The following PCDHGA4 variants were observed in gnomAD, a reference collection of about 807,000 sequenced individuals.
PCDHGA4 encodes the protein protocadherin gamma-A4.
A neutral mutation model predicts 54.6 loss-of-function variants in PCDHGA4; 38 were observed. The observed-to-expected ratio is 0.70, with a 90% CI of 0.54 to 0.91. The LOEUF is 0.91. Among genes scored for constraint, PCDHGA4 ranks in the 40% least tolerant of loss-of-function variants. The pLI is 0.00. For missense variants in PCDHGA4, 1,298 were observed against 1,220.9 expected, an observed-to-expected ratio of 1.06 and a Z score of -0.94; for synonymous variants, 511 against 512.9, an observed-to-expected ratio of 1.00 and a Z score of 0.05.
Position 141,432,083 on chromosome 5 carries a change from G to T in PCDHGA4, c.2515-62724G>T, listed in dbSNP as rs1221754474. On this transcript the variant is annotated intron_variant, in intron 1 of 3. Transcript: ENST00000571252. The surrounding 1 kb of genome is among the most constrained non-coding windows in gnomAD (Gnocchi z 6.0). ...CACGGAAACTCATATCTCGCTGAAC[G>T]TGGCAGACACCAACGACAACCCGCC... The T allele has an allele frequency of 1.9e-6, 3 of 1,614,040 alleles. No individual in the cohort carries two copies. The highest frequency in any genetic ancestry group is 2.7e-5 in the African/African-American group (2 of 74,910).
chr5:141,389,799 C>T (rs763321545), intron 1 of PCDHGA4: 2 of 1,613,678 alleles, frequency 1.2e-6, no homozygotes, highest in Non-Finnish European at 1.7e-6. Context: ...CGTCCGCCAG[C>T]GCCTTCTGGT....
At position 141,476,666 on chromosome 5, in the gene PCDHGA4, G is replaced by A. The variant is rs2099395856; in HGVS notation, c.2515-18141G>A. On this transcript the variant is annotated intron_variant, in intron 1 of 3. Coordinates refer to ENST00000571252, the MANE Select transcript of PCDHGA4 (RefSeq NM_018917.4). The surrounding 1 kb of genome is among the most constrained non-coding windows in gnomAD (Gnocchi z 7.6). The stretch of plus-strand genomic sequence containing the variant: ...CCGAAATGAATACTTTGCGCTTCGC[G>A]TGCAGACGCGGGAGGACAGCACCAA... 6.2e-7 allele frequency: 1 copy of A among 1,614,128 alleles called. No individual in the cohort carries two copies.
At chr5:141,445,268 C>A (rs2098461653) in intron 1 of PCDHGA4, among the ~76,000 whole-genome samples, 1 of 152,170 alleles carries the variant, frequency 6.6e-6, no homozygotes, top group Non-Finnish European at 1.5e-5. Flanking sequence ...TAAGTCGAAA[C>A]CACTCTGCAT....
chr5:141,479,676 G>A (rs2099503035), intron 1 of PCDHGA4: 1 of 152,242 alleles, frequency 6.6e-6, no homozygotes, highest in African/African-American at 2.4e-5. Context: ...CAAAAGGAGA[G>A]TCTTTTTGGT....
chr5:141,389,309 T>C (rs763262842), intron 1 of PCDHGA4: 1 of 1,613,900 alleles, frequency 6.2e-7, no homozygotes, highest in African/African-American at 1.3e-5. Context: ...TCAGGGCTTC[T>C]GATCCGGACT....
At position 141,432,871 on chromosome 5, in the gene PCDHGA4, C is replaced by T. The variant is rs1190891661; in HGVS notation, c.2515-61936C>T. On this transcript the variant is annotated intron_variant, in intron 1 of 3. Transcript: ENST00000571252. This position sits in a 1 kb window ranked among gnomAD's most constrained non-coding sequence, Gnocchi z 6.0. ...CGGTGGCCGCGGTCTCCTGCGTCTT[C>T]CTGGCCTTCGTCATCTTGCTGCTGG... 1 of 1,614,216 alleles carries T rather than the reference C, an allele frequency of 6.2e-7. No homozygotes were observed. Among genetic ancestry groups the T allele is most frequent in the Non-Finnish European group, 8.5e-7 (1 of 1,180,018 alleles).
intron 1 of PCDHGA4, chr5:141,418,463 C>A (rs1046926260): frequency 1.2e-6 from 2 of 1,613,826 alleles, no homozygotes; most frequent in Non-Finnish European, 1.7e-6. Context: ...GACTCTGGAC[C>A]GAGAAACGCA....
At chr5:141,419,155 A>G in intron 1 of PCDHGA4, 1 of 1,613,966 alleles carries the variant, frequency 6.2e-7, no homozygotes, top group Middle Eastern at 1.6e-4. Context: ...AGCCTCCGTT[A>G]TCCTCCAGCA....
At chr5:141,444,059 T>C (rs2098415588) in intron 1 of PCDHGA4, among the ~76,000 whole-genome samples, 1 of 150,620 alleles carries the variant, frequency 6.6e-6, no homozygotes, top group Admixed American at 6.6e-5. Flanking sequence ...ATCTTCAATC[T>C]AGATTCTGAT....
At chr5:141,433,045 C>T (rs1183696623) in intron 1 of PCDHGA4, 1 of 1,614,196 alleles carries the variant, frequency 6.2e-7, no homozygotes, top group South Asian at 1.1e-5. Flanking sequence ...TCACCACGGA[C>T]TCGCGGAAGA....
chr5:141,375,579 C>T (rs754106042), intron 1 of PCDHGA4: 6 of 1,613,996 alleles, frequency 3.7e-6, no homozygotes, highest in African/African-American at 2.7e-5. Context: ...CTCCAGGGGG[C>T]GCCCCTGTCC....
chr5:141,397,172 G>C (rs1407642752), intron 1 of PCDHGA4, among the ~76,000 whole-genome samples: 3 of 152,128 alleles, frequency 2.0e-5, no homozygotes, highest in Non-Finnish European at 2.9e-5. Flanking sequence ...TAACTCTTAA[G>C]AATGAATTTA....
chr5:141,383,226 G>A (rs771882574), intron 1 of PCDHGA4: 1 of 1,613,936 alleles, frequency 6.2e-7, no homozygotes, highest in Non-Finnish European at 8.5e-7. Flanking sequence ...TTAACATCCT[G>A]ATGGAAGATA....
intron 1 of PCDHGA4, chr5:141,377,949 A>G (rs1774488021): frequency 6.6e-6 from 1 of 152,208 alleles, no homozygotes; most frequent in Non-Finnish European, 1.5e-5. Context: ...TAGAGTGTGT[A>G]TCCAGGGCAA....
intron 1 of PCDHGA4, chr5:141,374,629 G>T (rs1404855518): frequency 6.2e-7 from 1 of 1,613,096 alleles, no homozygotes; most frequent in Non-Finnish European, 8.5e-7. Flanking sequence ...CAGTGGACGT[G>T]CAAAGCGAAG....
chr5:141,360,274 G>A, intron 1 of PCDHGA4: 1 of 1,613,924 alleles, frequency 6.2e-7, no homozygotes. Flanking sequence ...AAACTCGGTC[G>A]TAGGAAACCT....
rs1018097924 is a variant in PCDHGA4 at position 141,413,435 on chromosome 5, G to C, written c.2514+55814G>C. Reference sequence around the variant, plus strand: ...TTCTCTCTGAACCCGCGCAGCGGCAGCTTGATCACCGCGGGCAGGATAGAC... The same window carrying C: ...TTCTCTCTGAACCCGCGCAGCGGCACCTTGATCACCGCGGGCAGGATAGAC... On this transcript the variant is annotated intron_variant, in intron 1 of 3. Transcript: ENST00000571252. The C allele has an allele frequency of 6.2e-6, 10 of 1,614,004 alleles. No homozygotes were observed. The Admixed American group carries it at 1.7e-4, about 27-fold the overall frequency.
intron 1 of PCDHGA4, chr5:141,362,672 T>A: frequency 8.1e-7 from 1 of 1,241,688 alleles, no homozygotes; most frequent in Non-Finnish European, 1.1e-6. Context: ...TGTTGTGCCT[T>A]AATTGTCTTA....
Position 141,412,979 on chromosome 5 carries a change from C to G in PCDHGA4, c.2514+55358C>G, listed in dbSNP as rs2154544283. ...CACCTACTAGGAGAGAAAACGCAGCCAGAGCTCAATCCGGATTCTCAGGGC... is the reference window on the plus strand; with the variant it reads ...CACCTACTAGGAGAGAAAACGCAGCGAGAGCTCAATCCGGATTCTCAGGGC... On this transcript the variant is annotated intron_variant, in intron 1 of 3. Coordinates refer to ENST00000571252, the MANE Select transcript of PCDHGA4 (RefSeq NM_018917.4). 5.5e-6 allele frequency: 3 copies of G among 542,930 alleles called. No individual in the cohort carries two copies. In the East Asian group the frequency reaches 9.2e-5, roughly 17 times the overall value. 33.6% of individuals were successfully genotyped at this position (542,930 alleles called of 1,614,324 possible). A position where few individuals can be genotyped will look rare whatever the true frequency, so the allele number is the denominator to read the frequency against.
Sources: allele counts gnomAD v4.1 joint callset (sites outside exome capture counted in the v4.1 genomes callset), GRCh38; gene constraint gnomAD v4.1.1; non-coding constraint Gnocchi (gnomAD v3.1); transcripts MANE v1.5; gene names NCBI Gene and HGNC (gene_info 2026-07-23, HGNC 2026-07-21).